Variants in GNAQ observed in about 807,000 individuals in gnomAD.
The protein encoded by GNAQ is G protein subunit alpha q.
Under a neutral mutation model 43.9 loss-of-function variants are expected in GNAQ, and 8 were observed. That is an observed-to-expected ratio of 0.18 (90% CI 0.11 to 0.33). The LOEUF is 0.33. Among genes scored for constraint, GNAQ ranks in the 10% least tolerant of loss-of-function variants. GNAQ has a pLI of 1.00. For synonymous variants in GNAQ, 155 were observed against 170.7 expected, an observed-to-expected ratio of 0.91 and a Z score of 0.71; for missense variants, 158 against 450.8, an observed-to-expected ratio of 0.35 and a Z score of 5.88.
At chr9:77,776,029 A>G (rs569353073) in intron 5 of GNAQ, among the ~76,000 whole-genome samples, 134 of 152,374 alleles carry the variant, frequency 8.8e-4, no homozygotes, top group African/African-American at 3.1e-3. Context: ...TTTCCACAAA[A>G]GTGGCAAAAA....
intron 2 of GNAQ, among the ~76,000 whole-genome samples, chr9:77,831,160 T>G (rs1827292356): frequency 6.6e-6 from 1 of 152,200 alleles, no homozygotes; most frequent in Non-Finnish European, 1.5e-5. Flanking sequence ...TAAAAGTAAG[T>G]AGTGACTTAA....
intron 5 of GNAQ, among the ~76,000 whole-genome samples, chr9:77,757,785 CATTGGT>C (rs1825928591): frequency 6.6e-6 from 1 of 152,160 alleles, no homozygotes; most frequent in Non-Finnish European, 1.5e-5. Context: ...ACAAACCTCC[CATTGGT>C]ATATCAATTG....
chr9:77,778,214 TACACACACAC>T (rs34540195), intron 5 of GNAQ, among the ~76,000 whole-genome samples: 21 of 149,498 alleles, frequency 1.4e-4, no homozygotes, highest in East Asian at 5.8e-4. Flanking sequence ...TTTACACGTT[TACACACACAC>T]ACACACACAC....
At chr9:77,776,100 A>C (rs1161853540) in intron 5 of GNAQ, among the ~76,000 whole-genome samples, 1 of 152,296 alleles carries the variant, frequency 6.6e-6, no homozygotes, top group South Asian at 2.1e-4. Context: ...ACAACATAAC[A>C]TTTATTCAAG....
At chr9:78,021,045 CTTTTTTTTTTT>C (rs545575616) in intron 1 of GNAQ, among the ~76,000 whole-genome samples, 6 of 112,208 alleles carry the variant, frequency 5.3e-5, no homozygotes, top group African/African-American at 2.1e-4. Flanking sequence ...CAGGAAGCTG[CTTTTTTTTTTT>C]TTTTTTTTTT....
chr9:77,899,743 G>C (rs1373121625), intron 2 of GNAQ, among the ~76,000 whole-genome samples: 1 of 152,096 alleles, frequency 6.6e-6, no homozygotes, highest in Non-Finnish European at 1.5e-5. Flanking sequence ...CATCTGACTG[G>C]ACCTCAGAGA....
intron 5 of GNAQ, among the ~76,000 whole-genome samples, chr9:77,785,997 A>G (rs1481874138): frequency 6.6e-6 from 1 of 152,218 alleles, no homozygotes; most frequent in African/African-American, 2.4e-5. Flanking sequence ...CAGATCAACC[A>G]AATAGCCCAG....
intron 1 of GNAQ, among the ~76,000 whole-genome samples, chr9:78,006,509 T>C (rs1404290320): frequency 6.6e-6 from 1 of 152,162 alleles, no homozygotes; most frequent in African/African-American, 2.4e-5. Flanking sequence ...CCCTAATTGG[T>C]ACTACCAAAA....
chr9:77,918,275 T>C (rs1275981855), intron 2 of GNAQ, among the ~76,000 whole-genome samples: 7 of 152,250 alleles, frequency 4.6e-5, no homozygotes, highest in Non-Finnish European at 1.0e-4. Context: ...TCTTTATTTA[T>C]GCTACTATAG....
chr9:77,803,829 T>G lies in GNAQ; in HGVS notation c.477-6181A>C, dbSNP rs1478225820. Among the ~76,000 whole-genome samples the G allele has an allele frequency of 3.3e-5, 5 of 152,372 alleles. No individual in the cohort carries two copies. In the South Asian group the frequency reaches 6.2e-4, roughly 19 times the overall value. The stretch of plus-strand genomic sequence containing the variant: ...CCTCAAAACATTCTTCTGTGTAGTA[T>G]GGCTGCACTGCATGAAAGACTTAAC... On this transcript the variant is annotated intron_variant, in intron 3 of 6. Coordinates refer to ENST00000286548, the MANE Select transcript of GNAQ (RefSeq NM_002072.5).
At chr9:77,922,460 G>A (rs13287234) in intron 1 of GNAQ, 115 bp from the exon 2 acceptor site, 341 of 698,516 alleles carry the variant, frequency 4.9e-4, no homozygotes, top group Admixed American at 1.6e-3. Flanking sequence ...GCTGAGAGGA[G>A]CGACTCTAGA....
chr9:77,886,991 G>A (rs1023153550), intron 2 of GNAQ, among the ~76,000 whole-genome samples: 5 of 151,900 alleles, frequency 3.3e-5, no homozygotes, highest in African/African-American at 9.7e-5. Context: ...GCGTGGTGGC[G>A]GGTGCCTGTG....
chr9:77,846,362 T>G (rs1419815890), intron 2 of GNAQ, among the ~76,000 whole-genome samples: 1 of 152,204 alleles, frequency 6.6e-6, no homozygotes, highest in Admixed American at 6.5e-5. Flanking sequence ...TTCCTCACCC[T>G]GCCTGCTCCA....
chr9:77,990,534 T>C (rs1411356786), intron 1 of GNAQ, among the ~76,000 whole-genome samples: 1 of 152,204 alleles, frequency 6.6e-6, no homozygotes, highest in Non-Finnish European at 1.5e-5. Flanking sequence ...CTTTTAAGCC[T>C]TTTCCAGAGT....
At chr9:77,875,013 T>G (rs1347332160) in intron 2 of GNAQ, among the ~76,000 whole-genome samples, 1 of 152,014 alleles carries the variant, frequency 6.6e-6, no homozygotes, top group Non-Finnish European at 1.5e-5. Context: ...TGAAGAACCC[T>G]CCCACCTCTA....
intron 5 of GNAQ, among the ~76,000 whole-genome samples, chr9:77,761,049 G>A (rs1222966393): frequency 1.2e-4 from 18 of 152,110 alleles, no homozygotes; most frequent in East Asian, 1.2e-3. Flanking sequence ...CCCTCCGCCC[G>A]GCAGCCACCC....
At chr9:78,003,698 C>T (rs997693439) in intron 1 of GNAQ, among the ~76,000 whole-genome samples, 3 of 152,044 alleles carry the variant, frequency 2.0e-5, no homozygotes, top group East Asian at 3.9e-4. Flanking sequence ...CGCCTGTAAT[C>T]CCAGCTACTG....
intron 1 of GNAQ, among the ~76,000 whole-genome samples, chr9:77,953,947 T>C (rs1823012320): frequency 6.6e-6 from 1 of 152,214 alleles, no homozygotes; most frequent in African/African-American, 2.4e-5. Flanking sequence ...AATATTTAAT[T>C]ATCTATTCCT....
chr9:77,942,754 G>A (rs1481193638), intron 1 of GNAQ, among the ~76,000 whole-genome samples: 1 of 152,164 alleles, frequency 6.6e-6, no homozygotes, highest in Admixed American at 6.5e-5. Flanking sequence ...TCCACATGTA[G>A]AAAACTTTTA....
Sources: gnomAD v4.1 joint callset for allele counts (sites outside exome capture counted in the v4.1 genomes callset) on GRCh38, gnomAD v4.1.1 for gene constraint, MANE v1.5 for transcripts, NCBI Gene and HGNC (gene_info 2026-07-23, HGNC 2026-07-21) for gene names.